SPIDR: variants seen among roughly 807,000 people sequenced by gnomAD.
SPIDR encodes the protein scaffold protein involved in DNA repair.
SPIDR carries 93 observed loss-of-function variants against 104.6 expected under a neutral mutation model. That is an observed-to-expected ratio of 0.89 (90% CI 0.75 to 1.06). The LOEUF (loss-of-function observed/expected upper bound fraction) is 1.06, where lower values mean the gene tolerates loss of function less well. SPIDR is among the 50% of genes least tolerant of loss of function. The probability of loss-of-function intolerance (pLI) is 0.00; values close to 1 mark genes in which losing one functional copy is unlikely to be tolerated. For missense variants in SPIDR, 1,154 were observed against 1,111.2 expected (o/e 1.04, Z -0.55); for synonymous variants, 431 against 416.9 (o/e 1.03, Z -0.41).
chr8:47,487,171 G>A (rs2077782325), intron 8 of SPIDR, among the ~76,000 whole-genome samples: 1 of 73,358 alleles, frequency 1.4e-5, no homozygotes, highest in African/African-American at 5.7e-5. Flanking sequence ...CCAAGCAAAT[G>A]GAAAACAAAA....
intron 8 of SPIDR, among the ~76,000 whole-genome samples, chr8:47,584,244 G>T (rs2060038122): frequency 6.6e-6 from 1 of 152,102 alleles, no homozygotes; most frequent in African/African-American, 2.4e-5. Context: ...ATGATCTTTT[G>T]GATCTACTTA....
At chr8:47,571,831 A>T (rs1166376189) in intron 8 of SPIDR, among the ~76,000 whole-genome samples, 2 of 152,226 alleles carry the variant, frequency 1.3e-5, no homozygotes, top group Non-Finnish European at 1.5e-5. Context: ...AATTATGTGA[A>T]TGTGGTCTCC....
chr8:47,723,963 T>C (rs2083825946), intron 16 of SPIDR, among the ~76,000 whole-genome samples: 1 of 151,582 alleles, frequency 6.6e-6, no homozygotes. Flanking sequence ...CATTATTATT[T>C]AAATAAACTA....
intron 10 of SPIDR, among the ~76,000 whole-genome samples, chr8:47,641,932 A>G (rs1489513175): frequency 6.6e-6 from 1 of 152,198 alleles, no homozygotes; most frequent in Non-Finnish European, 1.5e-5. Flanking sequence ...GGCTTCACCT[A>G]CTTACATCCT....
At chr8:47,558,868 G>C (rs1295245093) in intron 8 of SPIDR, among the ~76,000 whole-genome samples, 1 of 152,118 alleles carries the variant, frequency 6.6e-6, no homozygotes, top group Non-Finnish European at 1.5e-5. Context: ...GTGTCGATCT[G>C]ACCTCGTGAT....
intron 10 of SPIDR, among the ~76,000 whole-genome samples, chr8:47,612,313 C>T (rs553417141): frequency 2.6e-5 from 4 of 152,254 alleles, no homozygotes; most frequent in Admixed American, 6.5e-5. Context: ...AGAAGCTGAA[C>T]ATCTCTGAGG....
At chr8:47,360,794 G>C in intron 5 of SPIDR, 1 of 984,042 alleles carries the variant, frequency 1.0e-6, no homozygotes, top group African/African-American at 1.7e-5. Flanking sequence ...GCAAAAATTT[G>C]TCTACTGGTC....
At chr8:47,596,356 C>T (rs995152352) in intron 9 of SPIDR, among the ~76,000 whole-genome samples, 14 of 152,146 alleles carry the variant, frequency 9.2e-5, no homozygotes, top group African/African-American at 3.4e-4. Context: ...TTACACAAAC[C>T]TAGATGGTCC....
intron 6 of SPIDR, among the ~76,000 whole-genome samples, chr8:47,402,289 A>G (rs545931322): frequency 3.8e-4 from 58 of 152,334 alleles, no homozygotes; most frequent in Non-Finnish European, 7.2e-4. Context: ...ATCACAATTA[A>G]CAGAACTAGA....
intron 19 of SPIDR, among the ~76,000 whole-genome samples, chr8:47,730,739 C>A (rs758568780): frequency 1.3e-5 from 2 of 152,188 alleles, no homozygotes; most frequent in Non-Finnish European, 2.9e-5. Context: ...GTGACTTGAC[C>A]TGTCCTATGG....
At chr8:47,541,724 C>T (rs1170567492) in intron 8 of SPIDR, among the ~76,000 whole-genome samples, 1 of 152,130 alleles carries the variant, frequency 6.6e-6, no homozygotes, top group Non-Finnish European at 1.5e-5. Flanking sequence ...TGGTGAAACC[C>T]CATCTCTACT....
At chr8:47,343,784 G>A (rs1189261488) in intron 5 of SPIDR, among the ~76,000 whole-genome samples, 1 of 152,054 alleles carries the variant, frequency 6.6e-6, no homozygotes, top group African/African-American at 2.4e-5. Context: ...TTCATTCCCA[G>A]AAGTTTCTAC....
chr8:47,409,000 A>G (rs543328806), intron 7 of SPIDR, among the ~76,000 whole-genome samples: 14 of 152,286 alleles, frequency 9.2e-5, no homozygotes, highest in African/African-American at 3.1e-4. Context: ...ATCCTGGCCA[A>G]CATGGTGAAA....
At chr8:47,629,201 A>C (rs1343370795) in intron 10 of SPIDR, among the ~76,000 whole-genome samples, 1 of 152,208 alleles carries the variant, frequency 6.6e-6, no homozygotes, top group Non-Finnish European at 1.5e-5. Context: ...TTAGGATGGT[A>C]GTAGGGACAC....
At chr8:47,295,838 A>G (rs2040745023) in intron 5 of SPIDR, among the ~76,000 whole-genome samples, 1 of 152,068 alleles carries the variant, frequency 6.6e-6, no homozygotes, top group African/African-American at 2.4e-5. Flanking sequence ...TGGTAGTTCT[A>G]TTTTTAGTTT....
intron 8 of SPIDR, among the ~76,000 whole-genome samples, chr8:47,584,651 C>T (rs1020016583): frequency 4.6e-5 from 7 of 152,170 alleles, no homozygotes; most frequent in Non-Finnish European, 7.3e-5. Context: ...GTTCTAAATA[C>T]ACACATACAC....
intron 7 of SPIDR, among the ~76,000 whole-genome samples, chr8:47,411,953 T>C (rs1554671982): frequency 6.6e-6 from 1 of 152,190 alleles, no homozygotes; most frequent in Non-Finnish European, 1.5e-5. Flanking sequence ...TTGTCAAAGA[T>C]CAGATAGTTG....
chr8:47,331,024 G>T lies in SPIDR; in HGVS notation c.525+36994G>T, dbSNP rs574220436. 103 of 301,518 alleles carry T rather than the reference G, an allele frequency of 3.4e-4. 1 individual carries two copies. The highest frequency in any genetic ancestry group is 2.9e-3 in the South Asian group (98 of 34,374). The allele number at this position is 301,518 out of a possible 1,614,324, so 18.7% of individuals were successfully genotyped here. On this transcript the variant is annotated intron_variant, in intron 5 of 19. Coordinates refer to ENST00000297423, the MANE Select transcript of SPIDR (RefSeq NM_001080394.4). ...CTTGTCAGCATTTGGTGGTGTCAGT[G>T]TTAGGAATTTTAGCCATTCTAGTAA...
intron 7 of SPIDR, among the ~76,000 whole-genome samples, chr8:47,415,253 A>C (rs1373074998): frequency 6.6e-6 from 1 of 152,144 alleles, no homozygotes; most frequent in African/African-American, 2.4e-5. Flanking sequence ...GTAGATTGAC[A>C]TGCAGTTAGA....
Sources: allele counts gnomAD v4.1 joint callset (sites outside exome capture counted in the v4.1 genomes callset), GRCh38; gene constraint gnomAD v4.1.1; transcripts MANE v1.5; gene names NCBI Gene and HGNC (gene_info 2026-07-23, HGNC 2026-07-21).